Variants in PIGL observed in about 807,000 individuals in gnomAD.
The protein encoded by PIGL is phosphatidylinositol glycan anchor biosynthesis class L, also known as N-acetylglucosaminyl-phosphatidylinositol de-N-acetylase.
Under a neutral mutation model 31.1 loss-of-function variants are expected in PIGL, and 22 were observed. The observed-to-expected ratio is 0.71, with a 90% CI of 0.51 to 1.01. The LOEUF is 1.01. Ranked by LOEUF, PIGL falls within the 50% of genes least tolerant of loss-of-function variation. The pLI is 0.00. For synonymous variants in PIGL, 131 were observed against 117.4 expected (o/e 1.12, Z -0.75); for missense variants, 302 against 315.9 (o/e 0.96, Z 0.33).
intron 1 of PIGL, among the ~76,000 whole-genome samples, chr17:16,231,232 C>CTTTT (rs975246766): frequency 1.6e-5 from 2 of 126,508 alleles, no homozygotes; most frequent in African/African-American, 2.9e-5. Context: ...ATTTTCTTTT[C>CTTTT]TTTTTTTTTT....
chr17:16,292,010 G>C (rs2092962959), intron 2 of PIGL, among the ~76,000 whole-genome samples: 1 of 149,796 alleles, frequency 6.7e-6, no homozygotes, highest in African/African-American at 2.4e-5. Context: ...AAACACCTTA[G>C]ATTTTTCAAA....
chr17:16,322,308 C>G (rs181182013), intron 6 of PIGL, among the ~76,000 whole-genome samples: 1 of 151,864 alleles, frequency 6.6e-6, no homozygotes, highest in East Asian at 1.9e-4. Flanking sequence ...TTGGCCAGGC[C>G]AGTCTCGAAC....
At chr17:16,285,182 T>C (rs1274313020) in intron 2 of PIGL, among the ~76,000 whole-genome samples, 2 of 152,234 alleles carry the variant, frequency 1.3e-5, no homozygotes, top group Non-Finnish European at 2.9e-5. Flanking sequence ...TGTACTTTAT[T>C]TGTTGCAATA....
At chr17:16,265,669 G>A (rs1299002085) in intron 2 of PIGL, among the ~76,000 whole-genome samples, 2 of 151,830 alleles carry the variant, frequency 1.3e-5, no homozygotes, top group African/African-American at 2.4e-5. Flanking sequence ...GAACCCAGGA[G>A]GCAGAGGTTG....
At chr17:16,261,546 T>C (rs951295207) in intron 2 of PIGL, among the ~76,000 whole-genome samples, 9 of 152,056 alleles carry the variant, frequency 5.9e-5, no homozygotes, top group Non-Finnish European at 1.3e-4. Context: ...ATTCAGAATA[T>C]ATAAAGAAGT....
At position 16,298,172 on chromosome 17, in the gene PIGL, G is replaced by A. The variant is rs569671720; in HGVS notation, c.336-1716G>A. 9.2e-5 allele frequency among the ~76,000 whole-genome samples: 14 copies of A among 152,236 alleles called. No individual in the cohort carries two copies. In the South Asian group the frequency reaches 2.9e-3, roughly 32 times the overall value. On this transcript the variant is annotated intron_variant, in intron 2 of 6. Coordinates refer to ENST00000225609, the MANE Select transcript of PIGL (RefSeq NM_004278.4). ...GGCAGATGAACCAGCTGAAGCAAAG[G>A]AAACAATTACATTATTTATTGCTGA... is the stretch of plus-strand genomic sequence containing the variant.
At chr17:16,309,105 T>C (rs899146204) in intron 3 of PIGL, among the ~76,000 whole-genome samples, 1 of 152,146 alleles carries the variant, frequency 6.6e-6, no homozygotes, top group Admixed American at 6.5e-5. Flanking sequence ...ATTTATTTTT[T>C]GAGGTTGTGG....
chr17:16,320,244 A>G (rs2093098223), intron 6 of PIGL, among the ~76,000 whole-genome samples: 1 of 102,180 alleles, frequency 9.8e-6, no homozygotes, highest in African/African-American at 3.9e-5. Context: ...GAAGGAAGGA[A>G]GGAAGGAAAG....
chr17:16,324,801 G>A (rs1168494374), intron 6 of PIGL, among the ~76,000 whole-genome samples: 4 of 152,142 alleles, frequency 2.6e-5, no homozygotes, highest in Non-Finnish European at 2.9e-5. Context: ...GAAGTCAGTT[G>A]CTGTAATCTA....
At chr17:16,313,152 G>T (rs12939078) in intron 3 of PIGL, among the ~76,000 whole-genome samples, 60,740 of 151,958 alleles carry the variant, frequency 0.4, 13,695 homozygotes, top group Middle Eastern at 0.52. Context: ...TTTGCCCTCA[G>T]TATGGCATGA....
chr17:16,244,374 G>A (rs1241710625), intron 2 of PIGL, among the ~76,000 whole-genome samples: 2 of 152,172 alleles, frequency 1.3e-5, no homozygotes, highest in African/African-American at 2.4e-5. Flanking sequence ...GAAGCAAGAT[G>A]GAGTCAGTTA....
chr17:16,217,583 CT>C, intron 1 of PIGL, 122 bp downstream of exon 1: 1 of 780,014 alleles, frequency 1.3e-6, no homozygotes, highest in Non-Finnish European at 2.1e-6. Flanking sequence ...CACCGAAGGT[CT>C]TACCTCTGAA....
rs188855352 is a variant in PIGL, at chr17:16,230,331, C to T, written c.236-3640C>T. On this transcript the variant is annotated intron_variant, in intron 1 of 6. Coordinates refer to ENST00000225609, the MANE Select transcript of PIGL (RefSeq NM_004278.4). ...GTAGTCACTTCTTGCTATCTCTAAA[C>T]TCTGGGTTACTTCACTGTTCCTTTT... Among the ~76,000 whole-genome samples, 47 of 152,320 alleles carry T rather than the reference C, an allele frequency of 3.1e-4. 1 individual carries two copies. Among genetic ancestry groups the T allele is most frequent in the Middle Eastern group, 6.8e-3 (2 of 294 alleles).
At chr17:16,305,355 G>A (rs1390152810) in intron 3 of PIGL, among the ~76,000 whole-genome samples, 2 of 152,162 alleles carry the variant, frequency 1.3e-5, no homozygotes, top group African/African-American at 2.4e-5. Flanking sequence ...ACTATCCTAG[G>A]TGAGAACCAG....
rs15739 is a variant in PIGL at position 16,325,918 on chromosome 17, A to G, written c.*20A>G. The G allele has an allele frequency of 0.46, 715,998 of 1,551,504 alleles. 174,267 individuals carry two copies. The highest frequency in any genetic ancestry group is 0.5 in the Non-Finnish European group (563,577 of 1,123,464). On this transcript the variant is annotated 3_prime_UTR_variant, in exon 7 of 7. Transcript: ENST00000225609. ...CTCTGAAGCCTTGAAGGGTTTTCAG[A>G]TCCAAGGAACAAAGGGGAAAATAGA...
rs142343997 is a variant in PIGL at position 16,317,855 on chromosome 17, C to G, written c.607C>G (p.His203Asp). Residue 203 changes from histidine (H) to aspartate (D), a missense_variant, in exon 6 of 7, where the codon CAT becomes GAT. Transcript: ENST00000225609. ...TCTGGATCTGCCCTTGTCTCTGCTT[C>G]ATACGCAGGATGTCCTCTTCGTGCT... ...SLLDLPLSLL[H>D]TQDVLFVLNS... is the part of the protein sequence containing the mutation. 39 of 1,614,020 alleles carry G rather than the reference C, an allele frequency of 2.4e-5. No homozygotes were observed. The African/African-American group carries it at 4.0e-4, about 17-fold the overall frequency.
At chr17:16,324,889 C>T (rs2093120694) in intron 6 of PIGL, among the ~76,000 whole-genome samples, 1 of 152,158 alleles carries the variant, frequency 6.6e-6, no homozygotes, top group African/African-American at 2.4e-5. Flanking sequence ...GGAACGACAA[C>T]TCACACCTGT....
chr17:16,237,089 C>A lies in PIGL; in HGVS notation c.335+3019C>A, dbSNP rs1308889924. 2.0e-5 allele frequency among the ~76,000 whole-genome samples: 3 copies of A among 150,096 alleles called. No individual in the cohort carries two copies. In the East Asian group the frequency reaches 5.9e-4, roughly 29 times the overall value. On this transcript the variant is annotated intron_variant, in intron 2 of 6. Coordinates refer to ENST00000225609, the MANE Select transcript of PIGL (RefSeq NM_004278.4). ...AGTAACTGGGACTACAGGCACTCAC[C>A]ACCACACCTGGCTTTTTTTTTTTTT...
rs1309111336 is a variant in PIGL at position 16,283,451 on chromosome 17, G to A, written c.336-16437G>A. On this transcript the variant is annotated intron_variant, in intron 2 of 6. Transcript: ENST00000225609. ...CCACTGCACTCCAGCCTGGATGACA[G>A]AGCAAGACCCTATTTCAAAAAAAAA... 2.6e-5 allele frequency among the ~76,000 whole-genome samples: 4 copies of A among 151,986 alleles called. No homozygotes were observed. In the East Asian group the frequency reaches 7.7e-4, roughly 29 times the overall value.
Sources: allele counts gnomAD v4.1 joint callset (sites outside exome capture counted in the v4.1 genomes callset), GRCh38; gene constraint gnomAD v4.1.1; transcripts MANE v1.5; gene names NCBI Gene and HGNC (gene_info 2026-07-23, HGNC 2026-07-21).